DIAPH3: variants seen among roughly 807,000 people sequenced by gnomAD.
The protein encoded by DIAPH3 is diaphanous related formin 3.
DIAPH3 carries 117 observed loss-of-function variants against 144.3 expected under a neutral mutation model. The ratio of observed to expected loss-of-function variants is 0.81; its 90% CI spans 0.70 to 0.95. The LOEUF (loss-of-function observed/expected upper bound fraction) is 0.95, where lower values mean the gene tolerates loss of function less well. Ranked by LOEUF, DIAPH3 falls within the 40% of genes least tolerant of loss-of-function variation. The probability of loss-of-function intolerance (pLI) is 0.00; values close to 1 mark genes in which losing one functional copy is unlikely to be tolerated. For missense variants in DIAPH3, 1,421 were observed against 1,412.7 expected (o/e 1.01, Z -0.09); for synonymous variants, 519 against 488.9 (o/e 1.06, Z -0.81).
At chr13:59,672,984 T>C (rs2032457988) in intron 27 of DIAPH3, among the ~76,000 whole-genome samples, 1 of 152,214 alleles carries the variant, frequency 6.6e-6, no homozygotes, top group Admixed American at 6.5e-5. Flanking sequence ...TAAACTTCTA[T>C]TCATTCTTGT....
At chr13:60,104,849 T>C (rs2058364058) in intron 3 of DIAPH3, among the ~76,000 whole-genome samples, 1 of 152,036 alleles carries the variant, frequency 6.6e-6, no homozygotes, top group African/African-American at 2.4e-5. Context: ...CCCAGCACTT[T>C]GGGAGGCCGA....
chr13:60,115,403 G>A (rs1051859516), intron 2 of DIAPH3, among the ~76,000 whole-genome samples: 1 of 152,132 alleles, frequency 6.6e-6, no homozygotes, highest in Non-Finnish European at 1.5e-5. Context: ...ACTGAAATAC[G>A]CAATTTACTG....
At chr13:59,764,930 G>A (rs1204589961) in intron 27 of DIAPH3, among the ~76,000 whole-genome samples, 4 of 152,004 alleles carry the variant, frequency 2.6e-5, no homozygotes, top group African/African-American at 9.7e-5. Flanking sequence ...AATACATCTG[G>A]ATTCCAGCTT....
intron 27 of DIAPH3, among the ~76,000 whole-genome samples, chr13:59,698,116 G>C (rs1398693926): frequency 6.6e-6 from 1 of 152,130 alleles, no homozygotes; most frequent in Non-Finnish European, 1.5e-5. Context: ...AATGCTTATT[G>C]TTCAACCACT....
chr13:59,854,263 C>T (rs1412612122), intron 22 of DIAPH3, among the ~76,000 whole-genome samples: 1 of 152,174 alleles, frequency 6.6e-6, no homozygotes, highest in African/African-American at 2.4e-5. Flanking sequence ...GATGCCAACC[C>T]TACTAATACT....
At chr13:59,933,375 C>T (rs1207119276) in intron 17 of DIAPH3, among the ~76,000 whole-genome samples, 2 of 152,308 alleles carry the variant, frequency 1.3e-5, no homozygotes, top group South Asian at 2.1e-4. Context: ...ATGTAACCCT[C>T]CCCCTGTGGT....
chr13:60,034,098 CT>C, intron 5 of DIAPH3, among the ~76,000 whole-genome samples: 1 of 152,282 alleles, frequency 6.6e-6, no homozygotes, highest in East Asian at 1.9e-4. Flanking sequence ...TATACTGATT[CT>C]TTGTATGTAG....
At chr13:59,951,341 A>G (rs891310106) in intron 17 of DIAPH3, among the ~76,000 whole-genome samples, 5 of 152,134 alleles carry the variant, frequency 3.3e-5, no homozygotes, top group African/African-American at 1.2e-4. Flanking sequence ...CCCTTCTGCT[A>G]TGATTGTAAG....
At chr13:60,075,323 T>C (rs2057344206) in intron 4 of DIAPH3, among the ~76,000 whole-genome samples, 1 of 152,228 alleles carries the variant, frequency 6.6e-6, no homozygotes, top group South Asian at 2.1e-4. Flanking sequence ...TTACACATTA[T>C]TGATACATAG....
chr13:59,943,934 G>A (rs531996566), intron 17 of DIAPH3, among the ~76,000 whole-genome samples: 2 of 152,182 alleles, frequency 1.3e-5, no homozygotes, highest in East Asian at 3.9e-4. Context: ...GATGGAGGCT[G>A]GGCACGGTAG....
At chr13:60,007,341 G>T (rs868548834) in intron 9 of DIAPH3, among the ~76,000 whole-genome samples, 1 of 151,996 alleles carries the variant, frequency 6.6e-6, no homozygotes, top group African/African-American at 2.4e-5. Context: ...ATGAGCCACC[G>T]CGCCCAGCCT....
At chr13:60,050,262 T>C (rs2056274257) in intron 4 of DIAPH3, among the ~76,000 whole-genome samples, 1 of 151,874 alleles carries the variant, frequency 6.6e-6, no homozygotes, top group Admixed American at 6.6e-5. Flanking sequence ...GGAGAGGACA[T>C]GGGAAAGCTG....
intron 25 of DIAPH3, among the ~76,000 whole-genome samples, chr13:59,791,050 A>C (rs2039302129): frequency 6.6e-6 from 1 of 152,330 alleles, no homozygotes; most frequent in Admixed American, 6.5e-5. Context: ...ATAGCTCGCT[A>C]TAATAATCTC....
chr13:60,136,513 G>C (rs2059281214), intron 1 of DIAPH3, among the ~76,000 whole-genome samples: 1 of 146,546 alleles, frequency 6.8e-6, no homozygotes, highest in African/African-American at 2.5e-5. Context: ...TACAGTTTTA[G>C]ACATTAAAAC....
chr13:59,991,158 C>G lies in DIAPH3; in HGVS notation c.1361G>C (p.Arg454Thr). 1 of 1,562,526 alleles carries G rather than the reference C, an allele frequency of 6.4e-7. No homozygotes were observed. The highest frequency in any genetic ancestry group is 8.8e-7 in the Non-Finnish European group (1 of 1,136,048). The change falls in exon 12 of 28, where the codon AGG becomes ACG. Residue 454 changes from arginine to threonine, a missense_variant and splice_region_variant. Physicochemically the swap from Arg to Thr is moderately conservative, Grantham distance 71 (BLOSUM62 -1). Transcript: ENST00000400324. Reference sequence around the variant, plus strand: ...ACATTAGAATACAACTTCCTCTTACCTTATAAAATAATCATTTCGAATCAG... The same window carrying G: ...ACATTAGAATACAACTTCCTCTTACGTTATAAAATAATCATTTCGAATCAG... ...LLLIRNDYFI[R>T]QQYFKLIDEC...
intron 27 of DIAPH3, among the ~76,000 whole-genome samples, chr13:59,763,841 T>G (rs7989247): frequency 5.3e-5 from 8 of 151,888 alleles, no homozygotes; most frequent in African/African-American, 1.9e-4. Context: ...AGCTAATGAA[T>G]CTGTGGCCCA....
At chr13:59,902,253 G>T (rs747129567) in intron 20 of DIAPH3, among the ~76,000 whole-genome samples, 1 of 152,074 alleles carries the variant, frequency 6.6e-6, no homozygotes, top group African/African-American at 2.4e-5. Flanking sequence ...TCATGGGGGT[G>T]GATTTCCCCC....
intron 17 of DIAPH3, among the ~76,000 whole-genome samples, chr13:59,965,377 A>G (rs2049990813): frequency 6.6e-6 from 1 of 152,162 alleles, no homozygotes; most frequent in Non-Finnish European, 1.5e-5. Flanking sequence ...GACTATTCAT[A>G]TACTTTCAGA....
chr13:59,666,587 T>G lies in DIAPH3; in HGVS notation c.3579A>C (p.Leu1193Phe), dbSNP rs375648930. ...VEALLARLRA[L>F] The stretch of plus-strand genomic sequence containing the variant: ...TTTTTTTAAAAACCAGTTTAACTTA[T>G]AAAGCTCGTAATCTTGCCAGCAGGG... Residue 1193 changes from leucine to phenylalanine, a missense_variant, in exon 28 of 28, where the codon TTA (leucine) becomes TTC (phenylalanine). Coordinates refer to ENST00000400324, the MANE Select transcript of DIAPH3 (RefSeq NM_001042517.2). 8 of 1,613,958 alleles carry G rather than the reference T, an allele frequency of 5.0e-6. No individual in the cohort carries two copies. The Admixed American group carries it at 1.3e-4, about 27-fold the overall frequency.
Sources: allele counts gnomAD v4.1 joint callset (sites outside exome capture counted in the v4.1 genomes callset), GRCh38; gene constraint gnomAD v4.1.1; transcripts MANE v1.5; gene names NCBI Gene and HGNC (gene_info 2026-07-23, HGNC 2026-07-21).